The following SOX21 variants were observed in gnomAD, a reference collection of about 807,000 sequenced individuals.
SOX21 encodes transcription factor SOX-21.
For synonymous variants in SOX21, 237 were observed against 189.7 expected, an observed-to-expected ratio of 1.25 and a Z score of -2.05; for missense variants, 370 against 388.8, an observed-to-expected ratio of 0.95 and a Z score of 0.41.
In SOX21 at chr13:94,710,214, G is replaced by C. The variant is rs920465054; in HGVS notation, c.*1005C>G. 1 of 152,520 alleles carries C rather than the reference G, an allele frequency of 6.6e-6. No individual in the cohort carries two copies. Among genetic ancestry groups the C allele is most frequent in the African/African-American group, 2.4e-5 (1 of 41,412 alleles). The allele number at this position is 152,520 out of a possible 1,614,324, so 9.4% of individuals were successfully genotyped here. A position where few individuals can be genotyped will look rare whatever the true frequency, so the allele number is the denominator to read the frequency against. ...TGATATTCGCTCAAAATGTTTTTGA[G>C]TCTAAAGTCGACTCAAACTTAGGGC... On this transcript the variant is annotated 3_prime_UTR_variant, in exon 1 of 1. Transcript: ENST00000376945.
Position 94,711,358 on chromosome 13 carries a change from T to TTGCCCGGGC in SOX21, c.683_691dup (p.Ser228_Gly230dup). 1 of 1,259,444 alleles carries TTGCCCGGGC rather than the reference T, an allele frequency of 7.9e-7. No homozygotes were observed. Among genetic ancestry groups the TTGCCCGGGC allele is most frequent in the South Asian group, 3.5e-5 (1 of 28,444 alleles). 78.0% of individuals were successfully genotyped at this position (1,259,444 alleles called of 1,614,324 possible). A position where few individuals can be genotyped will look rare whatever the true frequency, so the allele number is the denominator to read the frequency against. ...GTTGCACGGGATCATGTAGCCCGGG[T>TTGCCCGGGC]TGCCCGGGCTGGGGTGCGAGTGCGT... On this transcript the variant is annotated inframe_insertion, in exon 1 of 1. Coordinates refer to ENST00000376945, the MANE Select transcript of SOX21 (RefSeq NM_007084.4).
Position 94,711,552 on chromosome 13 carries a change from C to CGCGGCG in SOX21, c.492_497dup (p.Ala165_Ala166dup), listed in dbSNP as rs760919823. The CGCGGCG allele has an allele frequency of 1.3e-4, 126 of 961,622 alleles. No homozygotes were observed. Among genetic ancestry groups the CGCGGCG allele is most frequent in the East Asian group, 4.1e-4 (4 of 9,802 alleles). 59.6% of individuals were successfully genotyped at this position (961,622 alleles called of 1,614,324 possible). On this transcript the variant is annotated inframe_insertion, in exon 1 of 1. Transcript: ENST00000376945. ...GGTCGAGCAGCGAGTAGGGGCTGCCCGCGGCGGCGGCGGCGGCGGCAGCGG... is the reference window on the plus strand; with the variant it reads ...GGTCGAGCAGCGAGTAGGGGCTGCCCGCGGCGGCGGCGGCGGCGGCGGCGGCAGCGG...
Position 94,711,278 on chromosome 13 carries a change from G to A in SOX21, c.772C>T (p.Pro258Ser). ...LQPPLAYILLPGMGKPQLDPY... is the reference protein window; with the variant it reads ...LQPPLAYILLSGMGKPQLDPY... ...TCCAGCTGGGGCTTGCCCATGCCCG[G>A]CAGCAGGATGTAGGCGAGCGGCGGC... is the stretch of plus-strand genomic sequence containing the variant. The change falls in exon 1 of 1, where the codon CCG (proline) becomes TCG (serine). Residue 258 changes from proline (P) to serine (S), a missense_variant. By Grantham distance (74) the Pro-to-Ser change is moderately conservative. Transcript: ENST00000376945. 1 of 1,384,144 alleles carries A rather than the reference G, an allele frequency of 7.2e-7. No homozygotes were observed. The highest frequency in any genetic ancestry group is 9.3e-7 in the Non-Finnish European group (1 of 1,073,868). The allele number at this position is 1,384,144 out of a possible 1,614,324, so 85.7% of individuals were successfully genotyped here.
Position 94,712,051 on chromosome 13 carries a change from C to A in SOX21, c.-2G>T. On this transcript the variant is annotated 5_prime_UTR_variant, in exon 1 of 1. Coordinates refer to ENST00000376945, the MANE Select transcript of SOX21 (RefSeq NM_007084.4). This position sits in a 1 kb window ranked among gnomAD's most constrained non-coding sequence, Gnocchi z 5.0. The stretch of plus-strand genomic sequence containing the variant: ...GACGTGGTCCACCGGCTTGGACATG[C>A]TCTCGCCCTGCCGCGGCTGCAGCCC... 6.2e-7 allele frequency: 1 copy of A among 1,611,684 alleles called. No homozygotes were observed. Among genetic ancestry groups the A allele is most frequent in the Non-Finnish European group, 8.5e-7 (1 of 1,178,918 alleles).
Position 94,711,579 on chromosome 13 carries a change from G to A in SOX21, c.471C>T (p.Ala157=). 1.7e-6 allele frequency: 2 copies of A among 1,178,784 alleles called. No homozygotes were observed. Among genetic ancestry groups the A allele is most frequent in the South Asian group, 4.0e-5 (1 of 25,192 alleles). The allele number at this position is 1,178,784 out of a possible 1,614,324, so 73.0% of individuals were successfully genotyped here. ...CGGCGGCGGCGGCGGCGGCAGCGGC[G>A]GCGGCAGCGGCCGACTGCGGGAAGA... ...RVFFPQSAAA[A]AAAAAAAAAG... The change falls in exon 1 of 1, where the codon GCC becomes GCT. Residue 157 remains alanine, a synonymous_variant. Coordinates refer to ENST00000376945, the MANE Select transcript of SOX21 (RefSeq NM_007084.4).
Position 94,711,238 on chromosome 13 carries a change from G to C in SOX21, c.812C>G (p.Ala271Gly). The C allele has an allele frequency of 7.4e-7, 1 of 1,360,128 alleles. No individual in the cohort carries two copies. The highest frequency in any genetic ancestry group is 9.4e-7 in the Non-Finnish European group (1 of 1,062,076). 84.3% of individuals were successfully genotyped at this position (1,360,128 alleles called of 1,614,324 possible). ...GKPQLDPYPA[A>G]YAAAL ...GCGGGGTCATAGCGCGGCAGCGTAG[G>C]CCGCGGGGTAGGGGTCCAGCTGGGG... Residue 271 changes from alanine to glycine, a missense_variant, in exon 1 of 1, where the codon GCC becomes GGC. By Grantham distance (60) the Ala-to-Gly change is moderately conservative (BLOSUM62 0). Transcript: ENST00000376945.
In SOX21 at chr13:94,712,241, G is replaced by A. The variant is rs962660867; in HGVS notation, c.-192C>T. The A allele has an allele frequency of 8.1e-7, 1 of 1,242,190 alleles. No homozygotes were observed. Among genetic ancestry groups the A allele is most frequent in the Non-Finnish European group, 1.0e-6 (1 of 997,044 alleles). 76.9% of individuals were successfully genotyped at this position (1,242,190 alleles called of 1,614,324 possible). On this transcript the variant is annotated 5_prime_UTR_variant, in exon 1 of 1. Transcript: ENST00000376945. The surrounding 1 kb of genome is among the most constrained non-coding windows in gnomAD (Gnocchi z 5.0). Reference sequence around the variant, plus strand: ...CCACGCCGCGCCCCGGGCCGCCTTAGTGTCTCCGGCCGAGCGCTCGAGCAG... The same window carrying A: ...CCACGCCGCGCCCCGGGCCGCCTTAATGTCTCCGGCCGAGCGCTCGAGCAG...
Position 94,711,106 on chromosome 13 carries a change from T to C in SOX21, c.*113A>G. Reference sequence around the variant, plus strand: ...CTACCTGGCACCTATACATTCTATGTACATACAAACCGGGCCCCCGGTCGC... The same window carrying C: ...CTACCTGGCACCTATACATTCTATGCACATACAAACCGGGCCCCCGGTCGC... On this transcript the variant is annotated 3_prime_UTR_variant, in exon 1 of 1. Transcript: ENST00000376945. 4 of 1,050,396 alleles carry C rather than the reference T, an allele frequency of 3.8e-6. No individual in the cohort carries two copies. The highest frequency in any genetic ancestry group is 4.9e-6 in the Non-Finnish European group (4 of 822,150). The allele number at this position is 1,050,396 out of a possible 1,614,324, so 65.1% of individuals were successfully genotyped here. A position where few individuals can be genotyped will look rare whatever the true frequency, so the allele number is the denominator to read the frequency against.
In SOX21 at chr13:94,712,481, A is replaced by G; in HGVS notation, c.-432T>C. ...GCGTCGCGGAGACTCCTCGAAGTTGAGCCGAGGAGCCCGCCGCCGCGTGCT... is the reference window on the plus strand; with the variant it reads ...GCGTCGCGGAGACTCCTCGAAGTTGGGCCGAGGAGCCCGCCGCCGCGTGCT... On this transcript the variant is annotated 5_prime_UTR_variant, in exon 1 of 1. Coordinates refer to ENST00000376945, the MANE Select transcript of SOX21 (RefSeq NM_007084.4). The surrounding 1 kb of genome is among the most constrained non-coding windows in gnomAD (Gnocchi z 5.0). 1.0e-6 allele frequency: 1 copy of G among 984,524 alleles called. No individual in the cohort carries two copies. Among genetic ancestry groups the G allele is most frequent in the African/African-American group, 1.8e-5 (1 of 56,384 alleles). The allele number at this position is 984,524 out of a possible 1,614,324, so 61.0% of individuals were successfully genotyped here. A position where few individuals can be genotyped will look rare whatever the true frequency, so the allele number is the denominator to read the frequency against.
In SOX21 at chr13:94,711,702, C is replaced by A. The variant is rs1875260498; in HGVS notation, c.348G>T (p.Gly116=). 2 of 1,562,670 alleles carry A rather than the reference C, an allele frequency of 1.3e-6. No individual in the cohort carries two copies. Among genetic ancestry groups the A allele is most frequent in the Non-Finnish European group, 1.7e-6 (2 of 1,158,130 alleles). ...AEHPALKAGA[G]LHAGAGGGLV... The stretch of plus-strand genomic sequence containing the variant: ...GGCCGCCGCCCGCCCCCGCGTGCAG[C>A]CCGGCGCCCGCCTTGAGCGCAGGGT... The change falls in exon 1 of 1, where the codon GGG becomes GGT. Residue 116 remains glycine, a synonymous_variant. Coordinates refer to ENST00000376945, the MANE Select transcript of SOX21 (RefSeq NM_007084.4).
At position 94,711,403 on chromosome 13, in the gene SOX21, G is replaced by T. The variant is rs1440444670; in HGVS notation, c.647C>A (p.Ala216Asp). 5.8e-6 allele frequency: 7 copies of T among 1,207,760 alleles called. No homozygotes were observed. Among genetic ancestry groups the T allele is most frequent in the Non-Finnish European group, 7.2e-6 (7 of 971,802 alleles). 74.8% of individuals were successfully genotyped at this position (1,207,760 alleles called of 1,614,324 possible). A position where few individuals can be genotyped will look rare whatever the true frequency, so the allele number is the denominator to read the frequency against. Residue 216 changes from alanine to aspartate, a missense_variant, in exon 1 of 1, where the codon GCC becomes GAC. Physicochemically the swap from Ala to Asp is moderately radical, Grantham distance 126 (BLOSUM62 -2). Coordinates refer to ENST00000376945, the MANE Select transcript of SOX21 (RefSeq NM_007084.4). Reference sequence around the variant, plus strand: ...GTGCGTGTGCCCCCCGGCGGCGGCGGCCGCCGCTGCAGCCGCCGCCGCCGC... The same window carrying T: ...GTGCGTGTGCCCCCCGGCGGCGGCGTCCGCCGCTGCAGCCGCCGCCGCCGC... Reference protein sequence around the residue: ...HGAAAAAAAAAAAAGGHTHSH... With the variant: ...HGAAAAAAAADAAAGGHTHSH...
In SOX21 at chr13:94,710,363, T is replaced by G. The variant is rs1284460104; in HGVS notation, c.*856A>C. The G allele has an allele frequency of 6.6e-6, 1 of 152,650 alleles. No individual in the cohort carries two copies. Among genetic ancestry groups the G allele is most frequent in the Non-Finnish European group, 1.5e-5 (1 of 68,050 alleles). The allele number at this position is 152,650 out of a possible 1,614,324, so 9.5% of individuals were successfully genotyped here. A position where few individuals can be genotyped will look rare whatever the true frequency, so the allele number is the denominator to read the frequency against. On this transcript the variant is annotated 3_prime_UTR_variant, in exon 1 of 1. Transcript: ENST00000376945. Reference sequence around the variant, plus strand: ...TGCCTTTTTCCTTTTTTGTAAACTGTGTCAGAAATCCAAGCGAGTGGACTC... The same window carrying G: ...TGCCTTTTTCCTTTTTTGTAAACTGGGTCAGAAATCCAAGCGAGTGGACTC...
Position 94,710,867 on chromosome 13 carries a change from GCCAACATGTCAAAAAGTTACTCCT to G in SOX21, c.*328_*351del. The G allele has an allele frequency of 5.0e-6, 1 of 198,126 alleles. No homozygotes were observed. Among genetic ancestry groups the G allele is most frequent in the Admixed American group, 6.1e-5 (1 of 16,526 alleles). 12.3% of individuals were successfully genotyped at this position (198,126 alleles called of 1,614,324 possible). A position where few individuals can be genotyped will look rare whatever the true frequency, so the allele number is the denominator to read the frequency against. On this transcript the variant is annotated 3_prime_UTR_variant, in exon 1 of 1. Coordinates refer to ENST00000376945, the MANE Select transcript of SOX21 (RefSeq NM_007084.4). ...TGAAACTTCCAACAAAACTGGAAAG[GCCAACATGTCAAAAAGTTACTCCT>G]CCACCTCCGTGGGTCAAAACGCAAC...
Position 94,711,424 on chromosome 13 carries a change from GC to G in SOX21, c.625del (p.Ala209ArgfsTer27). 1 of 662,930 alleles carries G rather than the reference GC, an allele frequency of 1.5e-6. No homozygotes were observed. The highest frequency in any genetic ancestry group is 1.9e-6 in the Non-Finnish European group (1 of 532,664). The allele number at this position is 662,930 out of a possible 1,614,324, so 41.1% of individuals were successfully genotyped here. The part of the protein sequence containing the change: ...TAGAGAFHGA[A>X]AAAAAAAAAA... ...GGCGGCCGCCGCTGCAGCCGCCGCC[GC>G]CGCGCCGTGGAAGGCGCCCGCGCCC... On this transcript the variant is annotated frameshift_variant, in exon 1 of 1. Transcript: ENST00000376945. LOFTEE classifies it high-confidence loss of function.
chr13:94,711,974 T>C lies in SOX21; in HGVS notation c.76A>G (p.Met26Val). 4.3e-6 allele frequency: 7 copies of C among 1,613,986 alleles called. No individual in the cohort carries two copies. The highest frequency in any genetic ancestry group is 4.2e-6 in the Non-Finnish European group (5 of 1,179,932). ...MVWSRAQRRK[M>V]AQENPKMHNS... Reference sequence around the variant, plus strand: ...TGCATCTTGGGGTTCTCCTGGGCCATCTTGCGCCGCTGAGCCCGCGACCAC... The same window carrying C: ...TGCATCTTGGGGTTCTCCTGGGCCACCTTGCGCCGCTGAGCCCGCGACCAC... The change falls in exon 1 of 1, where the codon ATG becomes GTG. Residue 26 changes from methionine (M) to valine (V), a missense_variant. By Grantham distance (21) the Met-to-Val change is conservative. Transcript: ENST00000376945.
Position 94,712,060 on chromosome 13 carries a change from T to A in SOX21, c.-11A>T. On this transcript the variant is annotated 5_prime_UTR_variant, in exon 1 of 1. Coordinates refer to ENST00000376945, the MANE Select transcript of SOX21 (RefSeq NM_007084.4). This position sits in a 1 kb window ranked among gnomAD's most constrained non-coding sequence, Gnocchi z 5.0. ...CACCGGCTTGGACATGCTCTCGCCC[T>A]GCCGCGGCTGCAGCCCGCCGCCTCC... The A allele has an allele frequency of 6.2e-7, 1 of 1,609,010 alleles. No homozygotes were observed. The highest frequency in any genetic ancestry group is 2.2e-5 in the East Asian group (1 of 44,450).
At position 94,712,094 on chromosome 13, in the gene SOX21, C is replaced by T; in HGVS notation, c.-45G>A. 6.3e-7 allele frequency: 1 copy of T among 1,583,326 alleles called. No homozygotes were observed. Among genetic ancestry groups the T allele is most frequent in the South Asian group, 1.1e-5 (1 of 88,704 alleles). On this transcript the variant is annotated 5_prime_UTR_variant, in exon 1 of 1. Coordinates refer to ENST00000376945, the MANE Select transcript of SOX21 (RefSeq NM_007084.4). The surrounding 1 kb of genome is among the most constrained non-coding windows in gnomAD (Gnocchi z 5.0). ...TGCAGCCCGCCGCCTCCCGGGCCCTCGCCCTCGGCCCGGAGGAAATCAATG... is the reference window on the plus strand; with the variant it reads ...TGCAGCCCGCCGCCTCCCGGGCCCTTGCCCTCGGCCCGGAGGAAATCAATG...
rs746516430 is a variant in SOX21 at position 94,711,729 on chromosome 13, C to T, written c.321G>A (p.Glu107=). The change falls in exon 1 of 1, where the codon GAG becomes GAA. Residue 107 remains glutamate (E), a synonymous_variant. Transcript: ENST00000376945. ...CGGCGCCCGCCTTGAGCGCAGGGTG[C>T]TCGGCGTCCGCCACGCCGCCCAGGC... ...PYGLGGVADA[E]HPALKAGAGL... The T allele has an allele frequency of 2.5e-6, 4 of 1,610,124 alleles. No individual in the cohort carries two copies. Among genetic ancestry groups the T allele is most frequent in the Non-Finnish European group, 3.4e-6 (4 of 1,178,828 alleles).
chr13:94,712,145 GCCGGCCGGGGCTCGTCGCGCC>G lies in SOX21; in HGVS notation c.-117_-97del. ...TTGGCTGCCCGCGGAGACCCGCTCG[GCCGGCCGGGGCTCGTCGCGCC>G]CCGGCGTCGCTCCCGCCCCGGAGGA... On this transcript the variant is annotated 5_prime_UTR_variant, in exon 1 of 1. Coordinates refer to ENST00000376945, the MANE Select transcript of SOX21 (RefSeq NM_007084.4). The surrounding 1 kb of genome is among the most constrained non-coding windows in gnomAD (Gnocchi z 5.0). 1 of 1,439,072 alleles carries G rather than the reference GCCGGCCGGGGCTCGTCGCGCC, an allele frequency of 6.9e-7. No individual in the cohort carries two copies. The highest frequency in any genetic ancestry group is 9.1e-7 in the Non-Finnish European group (1 of 1,102,760). The allele number at this position is 1,439,072 out of a possible 1,614,324, so 89.1% of individuals were successfully genotyped here.
Sources: allele counts gnomAD v4.1 joint callset, GRCh38; gene constraint gnomAD v4.1.1; non-coding constraint Gnocchi (gnomAD v3.1); transcripts MANE v1.5; gene names NCBI Gene and HGNC (gene_info 2026-07-23, HGNC 2026-07-21).